The following XPO5 variants were observed in gnomAD, a reference collection of about 807,000 sequenced individuals.
The protein encoded by XPO5 is exportin-5.
A neutral mutation model predicts 160.6 loss-of-function variants in XPO5; 46 were observed. That is an observed-to-expected ratio of 0.29 (90% CI 0.23 to 0.37). The LOEUF (loss-of-function observed/expected upper bound fraction) is 0.37. Ranked by LOEUF, XPO5 falls within the 10% of genes least tolerant of loss-of-function variation. XPO5 has a pLI of 1.00. For missense variants in XPO5, 1,090 were observed against 1,463.9 expected (o/e 0.74, Z 4.17); for synonymous variants, 537 against 519.3 (o/e 1.03, Z -0.46).
intron 8 of XPO5, among the ~76,000 whole-genome samples, chr6:43,562,957 T>C (rs887137683): frequency 3.3e-5 from 5 of 152,100 alleles, no homozygotes; most frequent in Non-Finnish European, 7.4e-5. Context: ...TTAGAATGGG[T>C]AGTAAGAGAT....
At chr6:43,540,639 G>C (rs1794643709) in intron 20 of XPO5, among the ~76,000 whole-genome samples, 1 of 152,112 alleles carries the variant, frequency 6.6e-6, no homozygotes, top group Admixed American at 6.6e-5. Flanking sequence ...GGCAACAAGA[G>C]TGACACTCCG....
At chr6:43,549,786 A>T (rs771105704) in intron 16 of XPO5, 107 bp downstream of exon 16, 7 of 1,283,734 alleles carry the variant, frequency 5.5e-6, no homozygotes, top group Non-Finnish European at 7.6e-6. Context: ...ATAATCTACC[A>T]CCCTTACTAC....
chr6:43,553,656 C>G, intron 13 of XPO5, 153 bp from the exon 14 acceptor site: 1 of 1,391,604 alleles, frequency 7.2e-7, no homozygotes, highest in Non-Finnish European at 9.3e-7. Context: ...CCCCTCTCAG[C>G]TGGGGCAAAG....
chr6:43,526,726 T>C lies in XPO5; in HGVS notation c.2942A>G (p.Lys981Arg), dbSNP rs115410573. 2.3e-4 allele frequency: 364 copies of C among 1,613,960 alleles called. 2 individuals are homozygous for C. In the African/African-American group the frequency reaches 4.5e-3, roughly 20 times the overall value. Residue 981 changes from lysine (K) to arginine (R), a missense_variant, in exon 27 of 32, where the codon AAG becomes AGG. Lys to Arg is a conservative substitution (Grantham distance 26). Transcript: ENST00000265351. ...DLITVCCVSKKGADHSSAPPA... is the reference protein window; with the variant it reads ...DLITVCCVSKRGADHSSAPPA... ...GGGAGCACTACTGTGGTCAGCACCC[T>C]TCTTTGAAACACAGCAAACCGCTAA...
At chr6:43,558,400 G>T in intron 12 of XPO5, 101 bp downstream of exon 12, 2 of 1,025,108 alleles carry the variant, frequency 2.0e-6, no homozygotes, top group South Asian at 1.7e-5. Flanking sequence ...ATCCAGATTT[G>T]GGGATCTTTC....
At position 43,530,604 on chromosome 6, in the gene XPO5, T is replaced by A. The variant is rs1342377025; in HGVS notation, c.2677+84A>T. On this transcript the variant is annotated intron_variant, in intron 23 of 31. Coordinates refer to ENST00000265351, the MANE Select transcript of XPO5 (RefSeq NM_020750.3). ...CATCTCTTCCTTCCAGTTCTGCCTC[T>A]TCCCTCTGGTTGCTGTGACCTGTTT... 4.7e-6 allele frequency: 7 copies of A among 1,489,634 alleles called. No individual in the cohort carries two copies. In the East Asian group the frequency reaches 1.6e-4, roughly 34 times the overall value. 92.3% of individuals were successfully genotyped at this position (1,489,634 alleles called of 1,614,324 possible).
At chr6:43,565,333 G>T (rs1342421003) in intron 8 of XPO5, among the ~76,000 whole-genome samples, 3 of 152,076 alleles carry the variant, frequency 2.0e-5, no homozygotes, top group Non-Finnish European at 4.4e-5. Context: ...TTGGGAGGCT[G>T]AGGCAGGTAG....
chr6:43,568,279 C>A (rs113447010), intron 6 of XPO5, among the ~76,000 whole-genome samples: 3,896 of 152,134 alleles, frequency 0.026, 153 homozygotes, highest in African/African-American at 0.086. Flanking sequence ...TGCACTCCAG[C>A]CTGGGCAAGT....
rs754399625 is a variant in XPO5 at position 43,530,835 on chromosome 6, GA to G, written c.2541-12del. Reference sequence around the variant, plus strand: ...CCTAGGATATGAAAACTGTAAAGGGGAAAAAAAGAGCATTGAAAATGACAAA... The same window carrying G: ...CCTAGGATATGAAAACTGTAAAGGGGAAAAAAGAGCATTGAAAATGACAAA... On this transcript the variant is annotated splice_polypyrimidine_tract_variant and intron_variant, in intron 22 of 31. Coordinates refer to ENST00000265351, the MANE Select transcript of XPO5 (RefSeq NM_020750.3). 2 of 1,597,804 alleles carry G rather than the reference GA, an allele frequency of 1.3e-6. No individual in the cohort carries two copies. Among genetic ancestry groups the G allele is most frequent in the African/African-American group, 1.4e-5 (1 of 73,782 alleles).
chr6:43,551,234 A>T (rs1009597749), intron 15 of XPO5, 64 bp downstream of exon 15: 4 of 1,460,998 alleles, frequency 2.7e-6, no homozygotes, highest in African/African-American at 1.5e-5. Flanking sequence ...CCAAAAAAAT[A>T]AAATAAATAA....
At chr6:43,571,911 A>T (rs1763028957) in intron 3 of XPO5, among the ~76,000 whole-genome samples, 1 of 151,606 alleles carries the variant, frequency 6.6e-6, no homozygotes, top group African/African-American at 2.4e-5. Context: ...GTTTGGAATA[A>T]AAGAAAATAG....
chr6:43,539,576 C>T, intron 20 of XPO5: 4 of 1,356,106 alleles, frequency 2.9e-6, no homozygotes, highest in African/African-American at 1.4e-5. Flanking sequence ...TCAGCCCCGG[C>T]CCGGTCCACG....
At chr6:43,538,139 C>CTTATTTT (rs1794462064) in intron 20 of XPO5, among the ~76,000 whole-genome samples, 1 of 48,920 alleles carries the variant, frequency 2.0e-5, no homozygotes, top group African/African-American at 8.3e-5. Context: ...TAAGAGACAT[C>CTTATTTT]TTTTTTTTTT....
intron 12 of XPO5, among the ~76,000 whole-genome samples, chr6:43,556,552 A>C (rs1342551083): frequency 6.6e-6 from 1 of 152,000 alleles, no homozygotes. Flanking sequence ...ATTTTTAAAA[A>C]GTAAATCAGG....
intron 31 of XPO5, 85 bp from the exon 32 acceptor site, chr6:43,524,090 C>T (rs1212673969): frequency 9.2e-6 from 14 of 1,526,182 alleles, no homozygotes; most frequent in Non-Finnish European, 1.1e-5. Context: ...GTGGCTCGCG[C>T]CTGTAATCCC....
intron 9 of XPO5, chr6:43,561,364 C>A: frequency 5.5e-6 from 1 of 180,436 alleles, no homozygotes; most frequent in Non-Finnish European, 1.2e-5. Flanking sequence ...TTACCTAATC[C>A]CTTCAATAGT....
intron 8 of XPO5, 69 bp downstream of exon 8, chr6:43,565,591 G>T: frequency 2.3e-6 from 3 of 1,314,180 alleles, no homozygotes; most frequent in Non-Finnish European, 3.1e-6. Flanking sequence ...AAGAACTTCA[G>T]ATAAATCCAA....
chr6:43,556,262 G>A lies in XPO5; in HGVS notation c.1313-298C>T, dbSNP rs115252034. 6.5e-3 allele frequency among the ~76,000 whole-genome samples: 990 copies of A among 152,256 alleles called. 10 individuals carry two copies. The highest frequency in any genetic ancestry group is 0.022 in the African/African-American group (906 of 41,558). ...ATCAGGATTGGGCACAGTAGCTCAC[G>A]CCTGAAATCCTAGCACTTTAGGAGG... is the stretch of plus-strand genomic sequence containing the variant. On this transcript the variant is annotated intron_variant, in intron 12 of 31. Transcript: ENST00000265351.
rs1370018700 is a variant in XPO5, at chr6:43,525,919, C to T, written c.2986G>A (p.Glu996Lys). 7 of 1,613,816 alleles carry T rather than the reference C, an allele frequency of 4.3e-6. No individual in the cohort carries two copies. Among genetic ancestry groups the T allele is most frequent in the African/African-American group, 2.7e-5 (2 of 74,940 alleles). ...GTGACCTCTGTGGCCATCATTTCTTCATCTGTTATCAGAGAGTAGAATGTT... is the reference window on the plus strand; with the variant it reads ...GTGACCTCTGTGGCCATCATTTCTTTATCTGTTATCAGAGAGTAGAATGTT... Reference protein sequence around the residue: ...SSAPPADGDDEEMMATEVTPS... With the variant: ...SSAPPADGDDKEMMATEVTPS... The change falls in exon 28 of 32, where the codon GAA (glutamate) becomes AAA (lysine). Residue 996 changes from glutamate (E) to lysine (K), a missense_variant and splice_region_variant. This residue lies in a region of XPO5 where 810 missense variants were observed against 1,139.0 expected (regional missense o/e 0.71). Transcript: ENST00000265351.
Sources: gnomAD v4.1 joint callset for allele counts (sites outside exome capture counted in the v4.1 genomes callset) on GRCh38, gnomAD v4.1.1 for gene constraint, gnomAD v4.1.1 regional missense constraint, MANE v1.5 for transcripts, NCBI Gene and HGNC (gene_info 2026-07-23, HGNC 2026-07-21) for gene names.